Variants in FHIP2A observed in about 807,000 individuals in gnomAD.
FHIP2A encodes the protein family with sequence similarity 160 member B1.
FHIP2A carries 46 observed loss-of-function variants against 93.5 expected under a neutral mutation model. The ratio of observed to expected loss-of-function variants is 0.49; its 90% CI spans 0.39 to 0.63. The LOEUF is 0.63. Among genes scored for constraint, FHIP2A ranks in the 20% least tolerant of loss-of-function variants. The pLI, the probability that FHIP2A is intolerant of heterozygous loss-of-function variation, is 0.00. For synonymous variants in FHIP2A, 332 were observed against 326.5 expected, an observed-to-expected ratio of 1.02 and a Z score of -0.18; for missense variants, 769 against 909.7, an observed-to-expected ratio of 0.85 and a Z score of 1.99.
At chr10:114,875,752 G>GAGAA (rs779425416) in intron 16 of FHIP2A, among the ~76,000 whole-genome samples, 7 of 140,460 alleles carry the variant, frequency 5.0e-5, no homozygotes, top group African/African-American at 8.2e-5. Context: ...AAGAAAGAAA[G>GAGAA]AGAAAGAAAG....
Position 114,835,636 on chromosome 10 carries a change from G to A in FHIP2A, c.394G>A (p.Val132Met), listed in dbSNP as rs1463675545. 1.3e-6 allele frequency: 2 copies of A among 1,556,848 alleles called. No homozygotes were observed. Among genetic ancestry groups the A allele is most frequent in the Non-Finnish European group, 1.7e-6 (2 of 1,143,830 alleles). The change falls in exon 4 of 17, where the codon GTG becomes ATG. Residue 132 changes from valine (V) to methionine (M), a missense_variant. By Grantham distance (21) the Val-to-Met change is conservative. Transcript: ENST00000369248. ...LLPHINVHRP[V>M]QKLIRLCGEV... Reference sequence around the variant, plus strand: ...TCCACACATTAACGTGCACAGGCCAGTGCAGGTATTTTGTTCCCCCTACAT... The same window carrying A: ...TCCACACATTAACGTGCACAGGCCAATGCAGGTATTTTGTTCCCCCTACAT...
intron 3 of FHIP2A, 25 bp from the exon 4 acceptor site, chr10:114,835,512 T>C: frequency 7.1e-7 from 1 of 1,417,180 alleles, no homozygotes; most frequent in Non-Finnish European, 9.9e-7. Context: ...GTTTTCCTGT[T>C]GGCTTCCTTT....
chr10:114,894,173 C>G (rs1347083318), intron 16 of FHIP2A, among the ~76,000 whole-genome samples: 3 of 152,064 alleles, frequency 2.0e-5, no homozygotes, highest in African/African-American at 7.2e-5. Context: ...TGATAACAGG[C>G]TATGACATTA....
At chr10:114,823,156 A>G (rs2083548620) in intron 1 of FHIP2A, among the ~76,000 whole-genome samples, 3 of 152,204 alleles carry the variant, frequency 2.0e-5, no homozygotes, top group African/African-American at 2.4e-5. Flanking sequence ...AGATACAACA[A>G]TGATTTTTTA....
At chr10:114,884,512 T>C (rs1401332527) in intron 16 of FHIP2A, among the ~76,000 whole-genome samples, 1 of 152,194 alleles carries the variant, frequency 6.6e-6, no homozygotes, top group Non-Finnish European at 1.5e-5. Flanking sequence ...TGAGAGCATG[T>C]ATAAAAGAAA....
intron 16 of FHIP2A, among the ~76,000 whole-genome samples, chr10:114,870,170 A>G (rs554912336): frequency 3.6e-4 from 55 of 152,294 alleles, no homozygotes; most frequent in African/African-American, 1.3e-3. Context: ...TGTGTAATCA[A>G]TCATTCAACT....
chr10:114,847,073 C>G lies in FHIP2A; in HGVS notation c.1569-17C>G. 6.3e-7 allele frequency: 1 copy of G among 1,583,356 alleles called. No individual in the cohort carries two copies. Among genetic ancestry groups the G allele is most frequent in the Non-Finnish European group, 8.6e-7 (1 of 1,161,802 alleles). The stretch of plus-strand genomic sequence containing the variant: ...TAATAAAATAGTGCTTTTTATGTGT[C>G]ATTAAATTTAACTTAGAGATCTGGA... On this transcript the variant is annotated splice_polypyrimidine_tract_variant and intron_variant, in intron 11 of 16. Transcript: ENST00000369248.
chr10:114,849,326 A>G (rs1328691573), intron 13 of FHIP2A, among the ~76,000 whole-genome samples: 1 of 151,988 alleles, frequency 6.6e-6, no homozygotes, highest in East Asian at 1.9e-4. Flanking sequence ...TGATACCTTA[A>G]TAATTCTACC....
At chr10:114,898,683 C>T (rs757127791) in intron 16 of FHIP2A, among the ~76,000 whole-genome samples, 18 of 152,040 alleles carry the variant, frequency 1.2e-4, no homozygotes, top group Non-Finnish European at 1.8e-4. Context: ...CATTTTTTCT[C>T]GTTAAATTTC....
chr10:114,883,193 TGGAATAGCA>T (rs2143015343), intron 16 of FHIP2A, among the ~76,000 whole-genome samples: 1 of 152,302 alleles, frequency 6.6e-6, no homozygotes, highest in East Asian at 1.9e-4. Context: ...AGATGAAACA[TGGAATAGCA>T]GGACCTTATA....
chr10:114,861,146 G>A, intron 15 of FHIP2A, 85 bp from the exon 16 acceptor site: 2 of 1,543,348 alleles, frequency 1.3e-6, no homozygotes, highest in Non-Finnish European at 1.8e-6. Flanking sequence ...TTAAATAGTA[G>A]GGAAGGAAGA....
chr10:114,847,195 A>G lies in FHIP2A; in HGVS notation c.1674A>G (p.Lys558=). 4 of 1,612,970 alleles carry G rather than the reference A, an allele frequency of 2.5e-6. No homozygotes were observed. The highest frequency in any genetic ancestry group is 3.4e-6 in the Non-Finnish European group (4 of 1,179,690). ...CTCCTGCTACTCCAGACCACCCCAA[A>G]AATGATGGAAAAACTGAAGTTCATA... ...SSPPATPDHP[K]NDGKTEVHKI... Residue 558 remains lysine, a synonymous_variant, in exon 12 of 17, where the codon AAA becomes AAG. Transcript: ENST00000369248.
rs1441146615 is a variant in FHIP2A, at chr10:114,876,249, G to A, written c.2192+14915G>A. ...CTCAGGGAGAACAGAAGGTCCCCAA[G>A]GAGCGCTGTGGACCAGGCATGCAGG... On this transcript the variant is annotated intron_variant, in intron 16 of 16. Coordinates refer to the FHIP2A transcript ENST00000369250. Among the ~76,000 whole-genome samples, 7 of 152,288 alleles carry A rather than the reference G, an allele frequency of 4.6e-5. No homozygotes were observed. In the Middle Eastern group the frequency reaches 0.014, roughly 296 times the overall value.
chr10:114,835,952 T>G (rs2143010424), intron 4 of FHIP2A, among the ~76,000 whole-genome samples, 172 bp from the exon 5 acceptor site: 1 of 152,322 alleles, frequency 6.6e-6, no homozygotes, highest in Non-Finnish European at 1.5e-5. Context: ...ATTTTACCAC[T>G]AGTAAGTTTA....
chr10:114,827,560 G>T (rs1476889045), intron 1 of FHIP2A, among the ~76,000 whole-genome samples: 1 of 152,210 alleles, frequency 6.6e-6, no homozygotes, highest in African/African-American at 2.4e-5. Flanking sequence ...CACTTTGGGA[G>T]GCCAAGGCGG....
chr10:114,861,169 G>A (rs2083796258), intron 15 of FHIP2A, 62 bp from the exon 16 acceptor site: 46 of 1,577,398 alleles, frequency 2.9e-5, no homozygotes, highest in Non-Finnish European at 3.9e-5. Flanking sequence ...TTTCTTTTTA[G>A]ATCCTGAGGT....
chr10:114,837,569 A>G (rs1198200692), intron 5 of FHIP2A, among the ~76,000 whole-genome samples: 1 of 152,200 alleles, frequency 6.6e-6, no homozygotes, highest in Non-Finnish European at 1.5e-5. Context: ...GGATTAAGAT[A>G]TAAGTTACAT....
At chr10:114,871,590 G>T (rs140477837) in intron 16 of FHIP2A, among the ~76,000 whole-genome samples, 1 of 152,202 alleles carries the variant, frequency 6.6e-6, no homozygotes, top group East Asian at 1.9e-4. Flanking sequence ...ACTCCCATAT[G>T]AAATTCCCTC....
At chr10:114,849,947 C>T (rs1393810338) in intron 13 of FHIP2A, among the ~76,000 whole-genome samples, 1 of 152,180 alleles carries the variant, frequency 6.6e-6, no homozygotes, top group African/African-American at 2.4e-5. Context: ...TTGAAGCATG[C>T]ATCAGTACTT....
Sources: gnomAD v4.1 joint callset for allele counts (sites outside exome capture counted in the v4.1 genomes callset) on GRCh38, gnomAD v4.1.1 for gene constraint, MANE v1.5 for transcripts, NCBI Gene and HGNC (gene_info 2026-07-23, HGNC 2026-07-21) for gene names.